EXOC6: variants seen among roughly 807,000 people sequenced by gnomAD.
EXOC6 encodes the protein exocyst complex component 6.
A neutral mutation model predicts 112.5 loss-of-function variants in EXOC6; 60 were observed. The observed-to-expected ratio is 0.53, with a 90% CI of 0.43 to 0.66. The LOEUF (loss-of-function observed/expected upper bound fraction) is 0.66. EXOC6 is among the 30% of genes least tolerant of loss of function. The pLI is 0.00. For missense variants in EXOC6, 855 were observed against 957.1 expected (o/e 0.89, Z 1.41); for synonymous variants, 295 against 308.0 (o/e 0.96, Z 0.44).
At chr10:92,865,095 T>C (rs1280566217) in intron 1 of EXOC6, among the ~76,000 whole-genome samples, 1 of 152,206 alleles carries the variant, frequency 6.6e-6, no homozygotes, top group Non-Finnish European at 1.5e-5. Flanking sequence ...TTGATAGTTA[T>C]AATCCACGTA....
chr10:92,869,762 A>T (rs1451845547), intron 1 of EXOC6, among the ~76,000 whole-genome samples: 1 of 152,114 alleles, frequency 6.6e-6, no homozygotes, highest in Non-Finnish European at 1.5e-5. Context: ...TTACGTAATC[A>T]TATAGTCTGT....
chr10:92,884,629 A>G (rs1016328144), intron 1 of EXOC6, among the ~76,000 whole-genome samples: 8 of 152,216 alleles, frequency 5.3e-5, no homozygotes, highest in African/African-American at 1.4e-4. Flanking sequence ...AGAATTAGAT[A>G]CTTTGAGATT....
rs970141851 is a variant in EXOC6 at position 92,985,683 on chromosome 10, T to C, written c.1953+11451T>C. Among the ~76,000 whole-genome samples, 8 of 152,298 alleles carry C rather than the reference T, an allele frequency of 5.3e-5. No homozygotes were observed. The East Asian group carries it at 1.2e-3, about 22-fold the overall frequency. ...TGTAACGTTTCAATCCAAATGTTGA[T>C]TTACTTATTCTGACACCTCATGTCC... On this transcript the variant is annotated intron_variant, in intron 18 of 21. Coordinates refer to ENST00000260762, the MANE Select transcript of EXOC6 (RefSeq NM_019053.6).
rs889791776 is a variant in EXOC6, at chr10:93,058,948, G to A, written c.*593G>A. The A allele has an allele frequency of 1.3e-5, 2 of 152,294 alleles. No homozygotes were observed. Among genetic ancestry groups the A allele is most frequent in the East Asian group, 3.9e-4 (2 of 5,186 alleles). The allele number at this position is 152,294 out of a possible 1,614,324, so 9.4% of individuals were successfully genotyped here. ...TCTACTTGGGTGGTTTAATTTAATCGTTCTGAATATGAACAAAAGGTTTTG... is the reference window on the plus strand; with the variant it reads ...TCTACTTGGGTGGTTTAATTTAATCATTCTGAATATGAACAAAAGGTTTTG... On this transcript the variant is annotated 3_prime_UTR_variant, in exon 22 of 22. Coordinates refer to ENST00000260762, the MANE Select transcript of EXOC6 (RefSeq NM_019053.6).
At chr10:92,960,706 C>G (rs183811296) in intron 17 of EXOC6, among the ~76,000 whole-genome samples, 1 of 151,626 alleles carries the variant, frequency 6.6e-6, no homozygotes, top group African/African-American at 2.4e-5. Flanking sequence ...CTTTTTTCCT[C>G]TCAGTACTGA....
In EXOC6 at chr10:92,855,592, A is replaced by G. The variant is rs528193491; in HGVS notation, c.101+6958A>G. 2.3e-4 allele frequency among the ~76,000 whole-genome samples: 35 copies of G among 152,310 alleles called. No homozygotes were observed. The South Asian group carries it at 5.6e-3, about 24-fold the overall frequency. ...TTCCATTTCATTACTTGTTAAAGGTATACTCAGATTTTCTAGTTTTCTTGA... is the reference window on the plus strand; with the variant it reads ...TTCCATTTCATTACTTGTTAAAGGTGTACTCAGATTTTCTAGTTTTCTTGA... On this transcript the variant is annotated intron_variant, in intron 1 of 21. Coordinates refer to ENST00000260762, the MANE Select transcript of EXOC6 (RefSeq NM_019053.6).
chr10:92,954,018 C>T (rs1242159302), intron 15 of EXOC6, among the ~76,000 whole-genome samples: 3 of 152,112 alleles, frequency 2.0e-5, no homozygotes, highest in South Asian at 2.1e-4. Flanking sequence ...CGGTGCCTGA[C>T]GTCTGTAATC....
At chr10:92,978,938 C>T (rs919513186) in intron 18 of EXOC6, among the ~76,000 whole-genome samples, 3 of 152,100 alleles carry the variant, frequency 2.0e-5, no homozygotes, top group Non-Finnish European at 2.9e-5. Flanking sequence ...CAATGGAGTA[C>T]GTTAGAGTCA....
intron 1 of EXOC6, among the ~76,000 whole-genome samples, chr10:92,881,003 G>T (rs756196001): frequency 4.6e-5 from 7 of 152,158 alleles, no homozygotes; most frequent in Non-Finnish European, 1.0e-4. Flanking sequence ...CTGGGCAGTT[G>T]TAGGTTGGGG....
intron 1 of EXOC6, among the ~76,000 whole-genome samples, chr10:92,851,865 A>G (rs1395001132): frequency 2.0e-5 from 3 of 152,018 alleles, no homozygotes; most frequent in African/African-American, 7.2e-5. Context: ...GAGCTCAGGC[A>G]TACAAGACCA....
chr10:92,952,182 A>G (rs1015543601), intron 14 of EXOC6, 91 bp from the exon 15 acceptor site: 2 of 725,950 alleles, frequency 2.8e-6, no homozygotes, highest in Non-Finnish European at 4.8e-6. Context: ...TTGCTATTCA[A>G]GTGTGAAATC....
At chr10:92,988,750 A>G (rs564598692) in intron 18 of EXOC6, among the ~76,000 whole-genome samples, 23 of 151,998 alleles carry the variant, frequency 1.5e-4, no homozygotes, top group Middle Eastern at 3.4e-3. Context: ...ACTTGAGGCC[A>G]GGAGTTCAAG....
intron 20 of EXOC6, among the ~76,000 whole-genome samples, chr10:93,038,962 C>T (rs914014019): frequency 3.9e-5 from 6 of 152,152 alleles, no homozygotes; most frequent in African/African-American, 1.4e-4. Flanking sequence ...ACGCTGCCAA[C>T]ACTTTGCTAG....
chr10:92,852,891 T>C (rs1196884238), intron 1 of EXOC6, among the ~76,000 whole-genome samples: 3 of 152,110 alleles, frequency 2.0e-5, no homozygotes, highest in African/African-American at 7.2e-5. Context: ...TATTCAACAC[T>C]GTACTAGAAT....
rs776704603 is a variant in EXOC6 at position 92,921,153 on chromosome 10, T to A, written c.888+1103T>A. The stretch of plus-strand genomic sequence containing the variant: ...TTGCCATTTGTTTTAACATGTCTTA[T>A]ATCTTTTTTGTTCCTCTATTCCTCC... On this transcript the variant is annotated intron_variant, in intron 8 of 21. Transcript: ENST00000260762. Among the ~76,000 whole-genome samples, 112 of 152,346 alleles carry A rather than the reference T, an allele frequency of 7.4e-4. 1 individual carries two copies. Among genetic ancestry groups the A allele is most frequent in the South Asian group, 1.0e-3 (5 of 4,828 alleles).
rs1419458726 is a variant in EXOC6 at position 92,976,197 on chromosome 10, GC to G, written c.1953+1967del. On this transcript the variant is annotated intron_variant, in intron 18 of 21. Coordinates refer to ENST00000260762, the MANE Select transcript of EXOC6 (RefSeq NM_019053.6). ...GTGCCCAACAGCTCATTGAGAACGGGCCATGATGACAGTGGCGATTTTGTGG... is the reference window on the plus strand; with the variant it reads ...GTGCCCAACAGCTCATTGAGAACGGGCATGATGACAGTGGCGATTTTGTGG... Among the ~76,000 whole-genome samples, 32 of 152,302 alleles carry G rather than the reference GC, an allele frequency of 2.1e-4. 1 individual carries two copies. The East Asian group carries it at 6.0e-3, about 29-fold the overall frequency.
intron 19 of EXOC6, among the ~76,000 whole-genome samples, chr10:93,013,263 T>A (rs9419758): frequency 2.0e-5 from 3 of 152,156 alleles, no homozygotes; most frequent in South Asian, 2.1e-4. Flanking sequence ...GTGGAAATTT[T>A]AAAAATTCTC....
At position 92,848,618 on chromosome 10, in the gene EXOC6, G is replaced by GT; in HGVS notation, c.86dup (p.Pro31AlafsTer8). On this transcript the variant is annotated frameshift_variant, in exon 1 of 22. Coordinates refer to ENST00000260762, the MANE Select transcript of EXOC6 (RefSeq NM_019053.6). LOFTEE classifies it high-confidence loss of function. ...GATCGAGAGCACCGACACCGCCTGT[G>GT]TGGGGCCCACCCTCCGGTAAAGATC... 1 of 1,441,590 alleles carries GT rather than the reference G, an allele frequency of 6.9e-7. No individual in the cohort carries two copies. The highest frequency in any genetic ancestry group is 9.3e-7 in the Non-Finnish European group (1 of 1,080,086). The allele number at this position is 1,441,590 out of a possible 1,614,324, so 89.3% of individuals were successfully genotyped here.
intron 15 of EXOC6, among the ~76,000 whole-genome samples, chr10:92,952,778 T>C (rs1211111685): frequency 6.6e-6 from 1 of 152,144 alleles, no homozygotes; most frequent in Non-Finnish European, 1.5e-5. Context: ...AGGACATGAT[T>C]TTGTTCTTTT....
Sources: allele counts gnomAD v4.1 joint callset (sites outside exome capture counted in the v4.1 genomes callset), GRCh38; gene constraint gnomAD v4.1.1; transcripts MANE v1.5; gene names NCBI Gene and HGNC (gene_info 2026-07-23, HGNC 2026-07-21).